Variants in NAT1 observed in about 807,000 individuals in gnomAD.
The protein encoded by NAT1 is arylamine N-acetyltransferase 1.
For missense variants in NAT1, 400 were observed against 339.2 expected, an observed-to-expected ratio of 1.18 and a Z score of -1.41; for synonymous variants, 144 against 122.6, an observed-to-expected ratio of 1.17 and a Z score of -1.16.
At chr8:18,177,228 C>T (rs546206546) in intron 2 of NAT1, among the ~76,000 whole-genome samples, 34 of 152,118 alleles carry the variant, frequency 2.2e-4, no homozygotes, top group African/African-American at 8.2e-4. Flanking sequence ...AGTATCTTTT[C>T]TTGTTCCCTC....
intron 1 of NAT1, among the ~76,000 whole-genome samples, chr8:18,219,149 C>G (rs963585583): frequency 6.6e-6 from 1 of 152,034 alleles, no homozygotes; most frequent in African/African-American, 2.4e-5. Flanking sequence ...CCTCGGGAGG[C>G]TGTGGAAGCC....
At chr8:18,200,969 G>A (rs1803434951) in intron 2 of NAT1, 1 of 152,146 alleles carries the variant, frequency 6.6e-6, no homozygotes, top group Admixed American at 6.5e-5. Context: ...CATAGGTGCT[G>A]GAGACCATAA....
At chr8:18,206,069 T>A (rs923412464), upstream of NAT1, among the ~76,000 whole-genome samples, 2 of 152,254 alleles carry the variant, frequency 1.3e-5, no homozygotes, top group South Asian at 4.1e-4. Flanking sequence ...CATCGGCTGG[T>A]TTGCTGCCTC....
chr8:18,214,996 T>C (rs1804485776), intron 1 of NAT1, among the ~76,000 whole-genome samples: 1 of 152,262 alleles, frequency 6.6e-6, no homozygotes, highest in South Asian at 2.1e-4. Context: ...GCTCCATCCA[T>C]GTTTCCATGA....
intron 2 of NAT1, among the ~76,000 whole-genome samples, chr8:18,187,373 C>T (rs1170691084): frequency 1.3e-5 from 2 of 152,150 alleles, no homozygotes; most frequent in Admixed American, 6.5e-5. Flanking sequence ...ATATAAATTG[C>T]TCTACCATAA....
chr8:18,192,441 A>G (rs1317719774), intron 2 of NAT1, among the ~76,000 whole-genome samples: 4 of 152,246 alleles, frequency 2.6e-5, no homozygotes, highest in African/African-American at 7.2e-5. Context: ...GCGATTCCTC[A>G]GGGATCTAGA....
intron 2 of NAT1, among the ~76,000 whole-genome samples, chr8:18,195,808 G>T (rs113634269): frequency 6.6e-6 from 1 of 151,898 alleles, no homozygotes. Context: ...TTTCAAAGTC[G>T]TGTTCAGGAA....
intron 2 of NAT1, among the ~76,000 whole-genome samples, chr8:18,202,985 C>T (rs113085012): frequency 1.0e-3 from 157 of 152,194 alleles, no homozygotes; most frequent in Middle Eastern, 3.4e-3. Flanking sequence ...CTGATTGGTG[C>T]GTTTACAATC....
At chr8:18,211,503 T>G (rs1432911605) in intron 1 of NAT1, among the ~76,000 whole-genome samples, 1 of 152,232 alleles carries the variant, frequency 6.6e-6, no homozygotes, top group East Asian at 1.9e-4. Context: ...GCCCAGAGAC[T>G]TATTTTGTCT....
In NAT1 at chr8:18,219,457, G is replaced by A; in HGVS notation, c.-39G>A. 2 of 1,550,608 alleles carry A rather than the reference G, an allele frequency of 1.3e-6. 1 individual carries two copies. Among genetic ancestry groups the A allele is most frequent in the South Asian group, 2.4e-5 (2 of 83,844 alleles). ...GCAATCTGTCTTCTGGATTAAAACT[G>A]AAGATCAACCTACTTTCAACTTACT... On this transcript the variant is annotated 5_prime_UTR_variant, in exon 2 of 3. Transcript: ENST00000307719.
upstream of NAT1, among the ~76,000 whole-genome samples, chr8:18,209,067 C>A (rs901943532): frequency 6.6e-6 from 1 of 152,214 alleles, no homozygotes; most frequent in African/African-American, 2.4e-5. Context: ...TTCCACTGGA[C>A]AACACCAGGA....
chr8:18,195,539 G>A (rs887898131), intron 2 of NAT1, among the ~76,000 whole-genome samples: 2 of 152,150 alleles, frequency 1.3e-5, no homozygotes, highest in Admixed American at 6.5e-5. Context: ...AACTGTATAC[G>A]CTTCCTGCTT....
intron 1 of NAT1, chr8:18,170,663 G>A (rs933424707): frequency 6.6e-6 from 1 of 152,084 alleles, no homozygotes; most frequent in African/African-American, 2.4e-5. Context: ...ATTTAACTTG[G>A]ACTTTTCTTT....
At position 18,221,019 on chromosome 8, in the gene NAT1, C is replaced by G. The variant is rs956042638; in HGVS notation, c.-6-1023C>G. 3.3e-5 allele frequency among the ~76,000 whole-genome samples: 5 copies of G among 152,302 alleles called. No homozygotes were observed. The South Asian group carries it at 8.3e-4, about 25-fold the overall frequency. On this transcript the variant is annotated intron_variant, in intron 2 of 2. Coordinates refer to ENST00000307719, the MANE Select transcript of NAT1 (RefSeq NM_000662.8). ...AACATTGCTCAATTACAACCCTTCT[C>G]TCAGGCCTCTCTCATTTACATTTCT...
chr8:18,211,074 G>C (rs1311330306), intron 1 of NAT1: 1 of 152,356 alleles, frequency 6.6e-6, no homozygotes, highest in Middle Eastern at 3.1e-3. Flanking sequence ...CAAAGTGCTG[G>C]GATTACAGGC....
intron 1 of NAT1, chr8:18,212,839 T>C (rs986704467): frequency 6.6e-6 from 1 of 152,450 alleles, no homozygotes; most frequent in Non-Finnish European, 1.5e-5. Flanking sequence ...GCCAGCCCCG[T>C]CTTCCCTCTT....
At chr8:18,215,845 T>A (rs13278990) in intron 1 of NAT1, among the ~76,000 whole-genome samples, 74,621 of 151,962 alleles carry the variant, frequency 0.49, 21,027 homozygotes, top group Non-Finnish European at 0.64. Context: ...ACTTGTCAAT[T>A]GAGGAAAATG....
intron 2 of NAT1, among the ~76,000 whole-genome samples, chr8:18,196,174 T>C (rs1803224593): frequency 6.6e-6 from 1 of 152,082 alleles, no homozygotes; most frequent in Non-Finnish European, 1.5e-5. Context: ...GGTCTCAAAC[T>C]CCTGATCTCA....
chr8:18,198,692 CAT>C (rs1242826825), intron 2 of NAT1, among the ~76,000 whole-genome samples: 1 of 152,098 alleles, frequency 6.6e-6, no homozygotes, highest in Non-Finnish European at 1.5e-5. Flanking sequence ...TGTTTTGACA[CAT>C]ATATGCATTG....
Sources: allele counts gnomAD v4.1 joint callset (sites outside exome capture counted in the v4.1 genomes callset), GRCh38; gene constraint gnomAD v4.1.1; transcripts MANE v1.5; gene names NCBI Gene and HGNC (gene_info 2026-07-23, HGNC 2026-07-21).